ANTXRL: variants seen among roughly 807,000 people sequenced by gnomAD.
The protein encoded by ANTXRL is ANTXR like, also known as anthrax toxin receptor-like.
A neutral mutation model predicts 75.4 loss-of-function variants in ANTXRL; 63 were observed. That is an observed-to-expected ratio of 0.84 (90% confidence interval 0.68 to 1.03). The LOEUF (loss-of-function observed/expected upper bound fraction) is 1.03, where lower values mean the gene tolerates loss of function less well. Ranked by LOEUF, ANTXRL falls within the 50% of genes least tolerant of loss-of-function variation. The pLI is 0.00. For missense variants in ANTXRL, 797 were observed against 789.4 expected (o/e 1.01, Z -0.12); for synonymous variants, 335 against 291.3 (o/e 1.15, Z -1.53).
chr10:46,310,428 C>T, intron 13 of ANTXRL, 33 bp from the exon 14 acceptor site: 2 of 1,535,472 alleles, frequency 1.3e-6, no homozygotes, highest in Middle Eastern at 1.7e-4. Context: ...CCACCCCCAT[C>T]CAGCCTGTGT....
chr10:46,314,894 C>A lies in ANTXRL; in HGVS notation c.1410+1578C>A, dbSNP rs190319364. Among the ~76,000 whole-genome samples, 220 of 152,196 alleles carry A rather than the reference C, an allele frequency of 1.4e-3. 2 individuals are homozygous for A. The highest frequency in any genetic ancestry group is 5.0e-3 in the African/African-American group (207 of 41,508). On this transcript the variant is annotated intron_variant, in intron 16 of 16. Transcript: ENST00000620264. ...CAGATCTGTCCCTAACCCAGGGAGGCCCATAGCTGTGGCTTGTAGACCTAG... is the reference window on the plus strand; with the variant it reads ...CAGATCTGTCCCTAACCCAGGGAGGACCATAGCTGTGGCTTGTAGACCTAG...
At chr10:46,289,455 G>A (rs1467559775) in intron 1 of ANTXRL, among the ~76,000 whole-genome samples, 5 of 152,192 alleles carry the variant, frequency 3.3e-5, no homozygotes, top group Admixed American at 6.5e-5. Flanking sequence ...TCAGCCGGGA[G>A]CAGTAGCTCC....
chr10:46,308,852 G>A (rs1411837069), intron 12 of ANTXRL, among the ~76,000 whole-genome samples: 1 of 152,106 alleles, frequency 6.6e-6, no homozygotes, highest in East Asian at 1.9e-4. Context: ...TGCTGCAGGC[G>A]AGGTGTGCAG....
chr10:46,330,112 T>C lies in ANTXRL; in HGVS notation c.*28T>C, dbSNP rs1839430642. ...CACCAAACACCCAAGATTAACAGGC[T>C]TTTGTTGCTGAACTGGACATATACA... On this transcript the variant is annotated 3_prime_UTR_variant, in exon 17 of 17. Coordinates refer to ENST00000620264, the MANE Select transcript of ANTXRL (RefSeq NM_001278688.3). 6.8e-7 allele frequency: 1 copy of C among 1,477,384 alleles called. No individual in the cohort carries two copies. Among genetic ancestry groups the C allele is most frequent in the Non-Finnish European group, 8.9e-7 (1 of 1,117,334 alleles). The allele number at this position is 1,477,384 out of a possible 1,614,324, so 91.5% of individuals were successfully genotyped here. A position where few individuals can be genotyped will look rare whatever the true frequency, so the allele number is the denominator to read the frequency against.
At chr10:46,327,016 G>T (rs1839249234) in intron 16 of ANTXRL, among the ~76,000 whole-genome samples, 2 of 152,124 alleles carry the variant, frequency 1.3e-5, no homozygotes, top group African/African-American at 2.4e-5. Context: ...TTCAGCTCTA[G>T]TGCTCTGGGG....
In ANTXRL at chr10:46,313,298, T is replaced by C. The variant is rs79756825; in HGVS notation, c.1392T>C (p.Cys464=). ...HASCHQVPWM[C]CQSRDQGRYL... is the part of the protein sequence containing the mutation. ...GCTGCCACCAGGTGCCATGGATGTG[T>C]TGTCAGAGCAGGGACCAGGTGAGCT... The change falls in exon 16 of 17, where the codon TGT becomes TGC. Residue 464 remains cysteine (C), a synonymous_variant. Coordinates refer to ENST00000620264, the MANE Select transcript of ANTXRL (RefSeq NM_001278688.3). The C allele has an allele frequency of 5.2e-6, 8 of 1,535,434 alleles. No homozygotes were observed. The East Asian group carries it at 1.7e-4, about 33-fold the overall frequency.
intron 9 of ANTXRL, 21 bp from the exon 10 acceptor site, chr10:46,302,700 CT>C: frequency 6.6e-7 from 1 of 1,516,636 alleles, no homozygotes; most frequent in Non-Finnish European, 8.9e-7. Context: ...CTCACTCAGC[CT>C]TTTGAATGTT....
chr10:46,296,283 G>A (rs1554958663), intron 5 of ANTXRL, 31 bp downstream of exon 5: 1 of 1,534,024 alleles, frequency 6.5e-7, no homozygotes. Context: ...TGGTGGTCCT[G>A]TAGGGGGAAC....
intron 3 of ANTXRL, 89 bp from the exon 4 acceptor site, chr10:46,295,930 C>A: frequency 9.1e-7 from 1 of 1,097,026 alleles, no homozygotes; most frequent in Non-Finnish European, 1.3e-6. Flanking sequence ...AGGACTGGCG[C>A]AAAGAACAGT....
intron 7 of ANTXRL, 67 bp downstream of exon 7, chr10:46,297,541 G>A (rs117319649): frequency 2.0e-6 from 3 of 1,490,918 alleles, no homozygotes; most frequent in African/African-American, 1.4e-5. Context: ...CAACCGTCCC[G>A]GGCCACCCCA....
intron 13 of ANTXRL, among the ~76,000 whole-genome samples, chr10:46,310,023 T>G (rs1219751261): frequency 1.3e-5 from 2 of 152,036 alleles, no homozygotes; most frequent in Non-Finnish European, 2.9e-5. Context: ...ACAGGGCTCA[T>G]GTCTGCATAG....
intron 2 of ANTXRL, 53 bp downstream of exon 2, chr10:46,292,182 G>A: frequency 1.3e-6 from 2 of 1,516,846 alleles, no homozygotes; most frequent in South Asian, 1.2e-5. Flanking sequence ...CTTTTCTTCT[G>A]GAAGGCAGGC....
intron 3 of ANTXRL, among the ~76,000 whole-genome samples, chr10:46,295,020 C>T (rs1364486338): frequency 6.6e-6 from 1 of 152,202 alleles, no homozygotes; most frequent in Admixed American, 6.5e-5. Context: ...ACTGCCCCAG[C>T]CCATTCTGTC....
intron 9 of ANTXRL, among the ~76,000 whole-genome samples, chr10:46,302,069 C>G (rs1417248691): frequency 6.6e-6 from 1 of 152,156 alleles, no homozygotes; most frequent in Non-Finnish European, 1.5e-5. Context: ...TCAGGAAGAG[C>G]AGAATATGAG....
chr10:46,319,364 G>A (rs1554965176), intron 16 of ANTXRL, among the ~76,000 whole-genome samples: 3 of 152,158 alleles, frequency 2.0e-5, no homozygotes, highest in Non-Finnish European at 4.4e-5. Flanking sequence ...CTTAGTAGAA[G>A]TGAGACCACT....
intron 16 of ANTXRL, among the ~76,000 whole-genome samples, chr10:46,327,006 T>G (rs1554966652): frequency 1.3e-5 from 2 of 152,080 alleles, no homozygotes; most frequent in African/African-American, 4.8e-5. Flanking sequence ...GAGAAAGAGA[T>G]TCAGCTCTAG....
At chr10:46,311,697 C>A (rs1838437038) in intron 15 of ANTXRL, 32 bp downstream of exon 15, 2 of 812,416 alleles carry the variant, frequency 2.5e-6, no homozygotes, top group Non-Finnish European at 2.0e-6. Flanking sequence ...GGGGCTGTGA[C>A]CCCAGCATGG....
At chr10:46,299,565 C>A (rs1554959943) in intron 9 of ANTXRL, among the ~76,000 whole-genome samples, 1 of 152,126 alleles carries the variant, frequency 6.6e-6, no homozygotes, top group Non-Finnish European at 1.5e-5. Context: ...TTACTAGGCC[C>A]TTAGCAAGAC....
chr10:46,314,794 C>T lies in ANTXRL; in HGVS notation c.1410+1478C>T, dbSNP rs532055769. Reference sequence around the variant, plus strand: ...GTTTTACTAATGGCAAAATAGAGGCCCAGAGTGGCCCAGAGAGTTGCCTAA... The same window carrying T: ...GTTTTACTAATGGCAAAATAGAGGCTCAGAGTGGCCCAGAGAGTTGCCTAA... On this transcript the variant is annotated intron_variant, in intron 16 of 16. Transcript: ENST00000620264. Among the ~76,000 whole-genome samples, 3 of 152,178 alleles carry T rather than the reference C, an allele frequency of 2.0e-5. No individual in the cohort carries two copies. In the South Asian group the frequency reaches 6.2e-4, roughly 32 times the overall value.
Sources: allele counts gnomAD v4.1 joint callset (sites outside exome capture counted in the v4.1 genomes callset), GRCh38; gene constraint gnomAD v4.1.1; transcripts MANE v1.5; gene names NCBI Gene and HGNC (gene_info 2026-07-23, HGNC 2026-07-21).